Variants in LHFPL5 observed in about 807,000 individuals in gnomAD.
The protein encoded by LHFPL5 is LHFPL tetraspan subfamily member 5 protein.
A neutral mutation model predicts 18.7 loss-of-function variants in LHFPL5; 12 were observed. The observed-to-expected ratio is 0.64, with a 90% CI of 0.41 to 1.04. The LOEUF is 1.04. Ranked by LOEUF, LHFPL5 falls within the 50% of genes least tolerant of loss-of-function variation. The pLI is 0.00. For missense variants in LHFPL5, 259 were observed against 292.1 expected (o/e 0.89, Z 0.83); for synonymous variants, 111 against 120.2 (o/e 0.92, Z 0.50).
At chr6:35,819,222 A>G (rs1158715048) in intron 2 of LHFPL5, among the ~76,000 whole-genome samples, 2 of 152,220 alleles carry the variant, frequency 1.3e-5, no homozygotes, top group Non-Finnish European at 2.9e-5. Context: ...CTGGAAGTAC[A>G]GTGGTTAAGG....
rs764706501 is a variant in LHFPL5 at position 35,814,703 on chromosome 6, C to T, written c.570C>T (p.Leu190=). The T allele has an allele frequency of 2.5e-6, 4 of 1,614,180 alleles. No homozygotes were observed. The South Asian group carries it at 4.4e-5, about 18-fold the overall frequency. The part of the protein sequence containing the change: ...MLAILSIGDA[L]ILSFLAFVLG... ...CCATCCTCAGCATTGGCGACGCCCT[C>T]ATCCTCTCCTTCCTGGCCTTCGTGT... The change falls in exon 2 of 4, where the codon CTC becomes CTT. Residue 190 remains leucine, a synonymous_variant. Transcript: ENST00000360215. The surrounding 1 kb of genome is among the most constrained non-coding windows in gnomAD (Gnocchi z 4.2).
rs1430245925 is a variant in LHFPL5 at position 35,823,849 on chromosome 6, A to G, written c.*884A>G. ...TATGTTCAAGTAATTTGTTATAGGAATAGATGACATTTTTTTTTTTCAAAA... is the reference window on the plus strand; with the variant it reads ...TATGTTCAAGTAATTTGTTATAGGAGTAGATGACATTTTTTTTTTTCAAAA... On this transcript the variant is annotated 3_prime_UTR_variant, in exon 4 of 4. Transcript: ENST00000360215. 1 of 145,464 alleles carries G rather than the reference A, an allele frequency of 6.9e-6. No individual in the cohort carries two copies. The highest frequency in any genetic ancestry group is 2.3e-4 in the South Asian group (1 of 4,306). The allele number at this position is 145,464 out of a possible 1,614,324, so 9.0% of individuals were successfully genotyped here. A position where few individuals can be genotyped will look rare whatever the true frequency, so the allele number is the denominator to read the frequency against.
chr6:35,819,527 T>C, intron 3 of LHFPL5, 64 bp downstream of exon 3: 1 of 1,463,228 alleles, frequency 6.8e-7, no homozygotes, highest in East Asian at 2.3e-5. Context: ...TCTGCTTCCT[T>C]ACTGAATCCT....
Position 35,814,341 on chromosome 6 carries a change from C to T in LHFPL5, c.413-205C>T, listed in dbSNP as rs573765017. ...TGCCTCCGCCCCAACTACTGGGTCT[C>T]GGGGGCCAGTTGCTTTAACTCTCAG... On this transcript the variant is annotated intron_variant, in intron 1 of 3. Coordinates refer to ENST00000360215, the MANE Select transcript of LHFPL5 (RefSeq NM_182548.4). The surrounding 1 kb of genome is among the most constrained non-coding windows in gnomAD (Gnocchi z 4.2). 4.5e-4 allele frequency among the ~76,000 whole-genome samples: 69 copies of T among 152,206 alleles called. No individual in the cohort carries two copies. Among genetic ancestry groups the T allele is most frequent in the Admixed American group, 1.1e-3 (17 of 15,292 alleles).
intron 2 of LHFPL5, 66 bp from the exon 3 acceptor site, chr6:35,819,371 T>C: frequency 7.0e-7 from 1 of 1,436,952 alleles, no homozygotes; most frequent in East Asian, 2.3e-5. Flanking sequence ...GATGGAGTAG[T>C]GTGCAGGAAA....
chr6:35,821,449 T>TTGTG (rs34049571), intron 3 of LHFPL5, among the ~76,000 whole-genome samples: 3,303 of 120,398 alleles, frequency 0.027, 53 homozygotes, highest in East Asian at 0.065. Context: ...AGCATAATCT[T>TTGTG]TGTGTGTGTG....
intron 1 of LHFPL5, among the ~76,000 whole-genome samples, chr6:35,807,509 G>C (rs1768591062): frequency 6.6e-6 from 1 of 152,140 alleles, no homozygotes; most frequent in South Asian, 2.1e-4. Flanking sequence ...ATGTCGGTGA[G>C]ATGTCCAGGA....
intron 1 of LHFPL5, among the ~76,000 whole-genome samples, chr6:35,808,264 G>C (rs1220874477): frequency 8.7e-5 from 13 of 149,822 alleles, no homozygotes; most frequent in African/African-American, 3.2e-4. Context: ...TTCAAGACCA[G>C]CCTGGACAAC....
At chr6:35,817,278 G>A (rs1440370405) in intron 2 of LHFPL5, among the ~76,000 whole-genome samples, 9 of 151,306 alleles carry the variant, frequency 5.9e-5, no homozygotes, top group African/African-American at 2.2e-4. Flanking sequence ...CCAAGACTGT[G>A]CCCCTGCACT....
intron 1 of LHFPL5, among the ~76,000 whole-genome samples, chr6:35,809,287 C>T (rs907116579): frequency 6.6e-6 from 1 of 152,092 alleles, no homozygotes; most frequent in Non-Finnish European, 1.5e-5. Context: ...TAACAAATTA[C>T]CATAGATTAG....
chr6:35,823,477 A>ACACACACACACACTCT lies in LHFPL5; in HGVS notation c.*513_*514insACACACACACACTCTC, dbSNP rs1554147856. 5.0e-5 allele frequency: 7 copies of ACACACACACACACTCT among 140,840 alleles called. 1 individual carries two copies. Among genetic ancestry groups the ACACACACACACACTCT allele is most frequent in the African/African-American group, 1.9e-4 (7 of 36,586 alleles). The allele number at this position is 140,840 out of a possible 1,614,324, so 8.7% of individuals were successfully genotyped here. A position where few individuals can be genotyped will look rare whatever the true frequency, so the allele number is the denominator to read the frequency against. ...CACACACACACACACACACACACAC[A>ACACACACACACACTCT]CTCTCTCTCTCTCTCAAACACACAC... On this transcript the variant is annotated 3_prime_UTR_variant, in exon 4 of 4. Coordinates refer to ENST00000360215, the MANE Select transcript of LHFPL5 (RefSeq NM_182548.4).
Position 35,814,813 on chromosome 6 carries a change from T to C in LHFPL5, c.649+31T>C. The C allele has an allele frequency of 1.3e-6, 2 of 1,577,896 alleles. No homozygotes were observed. Among genetic ancestry groups the C allele is most frequent in the South Asian group, 2.2e-5 (2 of 90,338 alleles). On this transcript the variant is annotated intron_variant, in intron 2 of 3. Coordinates refer to ENST00000360215, the MANE Select transcript of LHFPL5 (RefSeq NM_182548.4). The surrounding 1 kb of genome is among the most constrained non-coding windows in gnomAD (Gnocchi z 4.2). ...CACCCAACTCCACAATGGTGTCCCC[T>C]GCCTGGAGACCCTGGGATGTGGGTG...
chr6:35,821,449 T>TGTGTGTG (rs1768864310), intron 3 of LHFPL5, among the ~76,000 whole-genome samples: 1 of 120,364 alleles, frequency 8.3e-6, no homozygotes, highest in South Asian at 3.0e-4. Context: ...AGCATAATCT[T>TGTGTGTG]TGTGTGTGTG....
chr6:35,805,508 C>G lies in LHFPL5; in HGVS notation c.-163C>G. 1 of 669,774 alleles carries G rather than the reference C, an allele frequency of 1.5e-6. No homozygotes were observed. The highest frequency in any genetic ancestry group is 2.6e-6 in the Non-Finnish European group (1 of 381,798). The allele number at this position is 669,774 out of a possible 1,614,324, so 41.5% of individuals were successfully genotyped here. On this transcript the variant is annotated 5_prime_UTR_variant, in exon 1 of 4. Coordinates refer to ENST00000360215, the MANE Select transcript of LHFPL5 (RefSeq NM_182548.4). The surrounding 1 kb of genome is among the most constrained non-coding windows in gnomAD (Gnocchi z 4.3). ...TGACCAAATCAAGGTTGTCCTTGTCCTATTAAGCCTCTTCCCCTTGCCTTG... is the reference window on the plus strand; with the variant it reads ...TGACCAAATCAAGGTTGTCCTTGTCGTATTAAGCCTCTTCCCCTTGCCTTG...
chr6:35,821,891 T>TTG (rs1768875344), intron 3 of LHFPL5, among the ~76,000 whole-genome samples: 1 of 126,554 alleles, frequency 7.9e-6, no homozygotes, highest in Admixed American at 8.2e-5. Context: ...TTTTTTTTTT[T>TTG]GAGACAGGGT....
chr6:35,822,344 T>A (rs1175398248), intron 3 of LHFPL5, among the ~76,000 whole-genome samples: 1 of 152,152 alleles, frequency 6.6e-6, no homozygotes, highest in African/African-American at 2.4e-5. Context: ...TTCCTCACAC[T>A]ACATTTTAAA....
intron 1 of LHFPL5, among the ~76,000 whole-genome samples, chr6:35,811,728 C>T (rs1019034918): frequency 1.3e-5 from 2 of 152,218 alleles, no homozygotes; most frequent in African/African-American, 4.8e-5. Context: ...AAGCCAGGGG[C>T]CCTGCCAGGC....
chr6:35,805,710 TACC>T lies in LHFPL5; in HGVS notation c.42_44del (p.His15del). On this transcript the variant is annotated inframe_deletion, in exon 1 of 4. Coordinates refer to ENST00000360215, the MANE Select transcript of LHFPL5 (RefSeq NM_182548.4). This position sits in a 1 kb window ranked among gnomAD's most constrained non-coding sequence, Gnocchi z 4.3. The stretch of plus-strand genomic sequence containing the variant: ...GCCGGCCCAGGAGGCAGCCAAGATC[TACC>T]ATACCAACTATGTGCGGAACTCGCG... 6.2e-7 allele frequency: 1 copy of T among 1,614,158 alleles called. No homozygotes were observed. The highest frequency in any genetic ancestry group is 8.5e-7 in the Non-Finnish European group (1 of 1,180,024).
Position 35,805,431 on chromosome 6 carries a change from G to C in LHFPL5, c.-240G>C. On this transcript the variant is annotated 5_prime_UTR_variant, in exon 1 of 4. Transcript: ENST00000360215. The surrounding 1 kb of genome is among the most constrained non-coding windows in gnomAD (Gnocchi z 4.3). ...CTGGTGGGCTTGGGAGGAGGCAGGAGACTGGAGACAGCCTCGGCTAGAGCG... is the reference window on the plus strand; with the variant it reads ...CTGGTGGGCTTGGGAGGAGGCAGGACACTGGAGACAGCCTCGGCTAGAGCG... 1.8e-6 allele frequency: 1 copy of C among 553,974 alleles called. No homozygotes were observed. 34.3% of individuals were successfully genotyped at this position (553,974 alleles called of 1,614,324 possible). A position where few individuals can be genotyped will look rare whatever the true frequency, so the allele number is the denominator to read the frequency against.
Sources: gnomAD v4.1 joint callset for allele counts (sites outside exome capture counted in the v4.1 genomes callset) on GRCh38, gnomAD v4.1.1 for gene constraint, Gnocchi (gnomAD v3.1) non-coding constraint, MANE v1.5 for transcripts, NCBI Gene and HGNC (gene_info 2026-07-23, HGNC 2026-07-21) for gene names.